Variants in NSD1 observed in about 807,000 individuals in gnomAD.
The protein encoded by NSD1 is histone-lysine N-methyltransferase, H3 lysine-36 specific.
In NSD1, 26 loss-of-function variants were observed where a neutral mutation model predicts 242.7. The observed-to-expected ratio is 0.11, with a 90% CI of 0.08 to 0.15. The LOEUF (loss-of-function observed/expected upper bound fraction) is 0.15, where lower values mean the gene tolerates loss of function less well. Ranked by LOEUF, NSD1 falls within the 10% of genes least tolerant of loss-of-function variation. The pLI is 1.00. For missense variants in NSD1, 2,495 were observed against 3,272.8 expected, an observed-to-expected ratio of 0.76 and a Z score of 5.80; for synonymous variants, 1,106 against 1,178.1, an observed-to-expected ratio of 0.94 and a Z score of 1.25.
chr5:177,273,807 C>T, intron 17 of NSD1, 23 bp downstream of exon 17: 1 of 1,491,158 alleles, frequency 6.7e-7, no homozygotes. Context: ...TCTTGGGGGA[C>T]CTTCTCTAGA....
intron 2 of NSD1, among the ~76,000 whole-genome samples, chr5:177,180,150 A>G (rs1025056462): frequency 1.7e-4 from 26 of 151,164 alleles, no homozygotes; most frequent in Non-Finnish European, 3.2e-4. Context: ...GCTGGAGTGC[A>G]GTGGCACGAT....
At chr5:177,144,824 A>G (rs1273086998) in intron 2 of NSD1, among the ~76,000 whole-genome samples, 2 of 152,074 alleles carry the variant, frequency 1.3e-5, no homozygotes, top group African/African-American at 4.8e-5. Flanking sequence ...GTTCACATCT[A>G]TAATCCCAGC....
chr5:177,262,931 T>C (rs1452960182), intron 14 of NSD1, among the ~76,000 whole-genome samples: 1 of 152,204 alleles, frequency 6.6e-6, no homozygotes, highest in Non-Finnish European at 1.5e-5. Context: ...TATGTAAAAA[T>C]GCAGTTTCAC....
chr5:177,223,012 T>C (rs970480072), intron 5 of NSD1, among the ~76,000 whole-genome samples: 1 of 152,074 alleles, frequency 6.6e-6, no homozygotes, highest in African/African-American at 2.4e-5. Context: ...ATGGTGTGAG[T>C]GAGGGGTCCA....
In NSD1 at chr5:177,238,179, G is replaced by T; in HGVS notation, c.3922-58G>T. 6.3e-7 allele frequency: 1 copy of T among 1,579,740 alleles called. No individual in the cohort carries two copies. The highest frequency in any genetic ancestry group is 1.1e-5 in the South Asian group (1 of 90,124). On this transcript the variant is annotated intron_variant, in intron 6 of 22. Coordinates refer to ENST00000439151, the MANE Select transcript of NSD1 (RefSeq NM_022455.5). This position sits in a 1 kb window ranked among gnomAD's most constrained non-coding sequence, Gnocchi z 4.6. ...CCTTTTAAAGTGTGTTATTCTTTTTGACACTTAAATTACAACAATTTTGGC... is the reference window on the plus strand; with the variant it reads ...CCTTTTAAAGTGTGTTATTCTTTTTTACACTTAAATTACAACAATTTTGGC...
At position 177,238,396 on chromosome 5, in the gene NSD1, C is replaced by G. The variant is rs748973344; in HGVS notation, c.4081C>G (p.Leu1361Val). The change falls in exon 7 of 23, where the codon CTT (leucine) becomes GTT (valine). Residue 1361 changes from leucine to valine, a missense_variant. Physicochemically the swap from Leu to Val is conservative, Grantham distance 32 (BLOSUM62 1). Coordinates refer to ENST00000439151, the MANE Select transcript of NSD1 (RefSeq NM_022455.5). The surrounding 1 kb of genome is among the most constrained non-coding windows in gnomAD (Gnocchi z 4.6). The part of the protein sequence containing the change: ...FLEGPLAQSE[L>V]GGGHAELPQL... ...GGAGGGCCCCTTGGCTCAGTCAGAA[C>G]TTGGAGGTGGACATGCTGAGTTGCC... The G allele has an allele frequency of 1.1e-5, 17 of 1,613,974 alleles. No homozygotes were observed. The highest frequency in any genetic ancestry group is 1.4e-5 in the Non-Finnish European group (17 of 1,180,000).
At chr5:177,228,337 T>A (rs1028210115) in intron 5 of NSD1, among the ~76,000 whole-genome samples, 1 of 151,428 alleles carries the variant, frequency 6.6e-6, no homozygotes, top group East Asian at 1.9e-4. Flanking sequence ...TCTTGACTTA[T>A]GAGCTATTAG....
At chr5:177,259,536 A>G (rs1190932225) in intron 13 of NSD1, among the ~76,000 whole-genome samples, 1 of 152,204 alleles carries the variant, frequency 6.6e-6, no homozygotes, top group Non-Finnish European at 1.5e-5. Flanking sequence ...TACAGATTGC[A>G]TTAGAGGGTT....
rs560987364 is a variant in NSD1 at position 177,209,528 on chromosome 5, CA to C, written c.1237-92del. 88,895 of 530,374 alleles carry C rather than the reference CA, an allele frequency of 0.17. 1 individual carries two copies. Among genetic ancestry groups the C allele is most frequent in the South Asian group, 0.2 (7,729 of 39,192 alleles). 32.9% of individuals were successfully genotyped at this position (530,374 alleles called of 1,614,324 possible). A position where few individuals can be genotyped will look rare whatever the true frequency, so the allele number is the denominator to read the frequency against. The stretch of plus-strand genomic sequence containing the variant: ...TGGGCGACAGAGCAAGACTCTGTCT[CA>C]AAAAAAAAAAAAAAAGGAATAAAAA... On this transcript the variant is annotated intron_variant, in intron 4 of 22. Transcript: ENST00000439151.
intron 2 of NSD1, among the ~76,000 whole-genome samples, chr5:177,139,484 G>A (rs1348749981): frequency 6.6e-6 from 1 of 150,564 alleles, no homozygotes; most frequent in Admixed American, 6.6e-5. Flanking sequence ...AGAATGCAAA[G>A]TTAGGTAAGC....
At chr5:177,254,296 T>C (rs1756242793) in intron 12 of NSD1, among the ~76,000 whole-genome samples, 1 of 152,236 alleles carries the variant, frequency 6.6e-6, no homozygotes, top group East Asian at 1.9e-4. Context: ...TAGTTCTTAA[T>C]TTTTTGAAAT....
intron 5 of NSD1, among the ~76,000 whole-genome samples, chr5:177,222,051 T>TC (rs1368259672): frequency 6.6e-6 from 1 of 152,200 alleles, no homozygotes; most frequent in Non-Finnish European, 1.5e-5. Context: ...TCTCAGGTGA[T>TC]CTGCCCACCT....
chr5:177,282,959 T>A (rs1759010172), intron 19 of NSD1, among the ~76,000 whole-genome samples: 1 of 152,200 alleles, frequency 6.6e-6, no homozygotes, highest in South Asian at 2.1e-4. Context: ...AAATTTTTTT[T>A]TAAAATTATT....
At chr5:177,267,420 T>G (rs984680910) in intron 14 of NSD1, 142 bp from the exon 15 acceptor site, 11 of 738,026 alleles carry the variant, frequency 1.5e-5, no homozygotes, top group African/African-American at 3.6e-5. Context: ...TATACTCTGG[T>G]CATTATGTGT....
At chr5:177,212,509 T>A (rs1011248991) in intron 5 of NSD1, among the ~76,000 whole-genome samples, 8 of 150,868 alleles carry the variant, frequency 5.3e-5, no homozygotes, top group African/African-American at 1.7e-4. Context: ...TTTCTAATTT[T>A]TTTTTTCTTT....
chr5:177,282,728 A>G, intron 19 of NSD1, 147 bp downstream of exon 19: 1 of 734,180 alleles, frequency 1.4e-6, no homozygotes, highest in South Asian at 1.5e-5. Flanking sequence ...GTTCTGGAGT[A>G]GGTAAGAGTG....
chr5:177,252,707 A>G (rs148022252), intron 12 of NSD1, among the ~76,000 whole-genome samples: 1 of 150,504 alleles, frequency 6.6e-6, no homozygotes, highest in African/African-American at 2.4e-5. Flanking sequence ...ACTTGCCACC[A>G]TGCGTGGGCA....
At chr5:177,218,648 A>G (rs1040271282) in intron 5 of NSD1, among the ~76,000 whole-genome samples, 6 of 151,482 alleles carry the variant, frequency 4.0e-5, no homozygotes, top group Admixed American at 3.9e-4. Flanking sequence ...GGTCACTGCA[A>G]GCTCCACCTC....
upstream of NSD1, chr5:177,133,736 G>C (rs906440660): frequency 2.0e-5 from 3 of 147,806 alleles, no homozygotes; most frequent in African/African-American, 7.4e-5. The surrounding 1 kb of genome is among the most constrained non-coding windows in gnomAD (Gnocchi z 6.2). Flanking sequence ...CGCACGCGCG[G>C]CCGCGGGGGC....
Sources: allele counts gnomAD v4.1 joint callset (sites outside exome capture counted in the v4.1 genomes callset), GRCh38; gene constraint gnomAD v4.1.1; non-coding constraint Gnocchi (gnomAD v3.1); transcripts MANE v1.5; gene names NCBI Gene and HGNC (gene_info 2026-07-23, HGNC 2026-07-21).